Variants in PTPRT observed in about 807,000 individuals in gnomAD.
PTPRT encodes the protein protein tyrosine phosphatase receptor type T, also known as receptor-type tyrosine-protein phosphatase T.
A neutral mutation model predicts 176.8 loss-of-function variants in PTPRT; 56 were observed. That is an observed-to-expected ratio of 0.32 (90% CI 0.26 to 0.40). The LOEUF (loss-of-function observed/expected upper bound fraction) is 0.40, where lower values mean the gene tolerates loss of function less well. Among genes scored for constraint, PTPRT ranks in the 10% least tolerant of loss-of-function variants. The pLI, the probability that PTPRT is intolerant of heterozygous loss-of-function variation, is 1.00. For missense variants in PTPRT, 1,540 were observed against 1,908.2 expected (o/e 0.81, Z 3.60); for synonymous variants, 783 against 739.0 (o/e 1.06, Z -0.96).
intron 7 of PTPRT, among the ~76,000 whole-genome samples, chr20:42,574,906 C>A (rs1450677629): frequency 6.6e-6 from 1 of 152,246 alleles, no homozygotes; most frequent in South Asian, 2.1e-4. Context: ...CTCCTGCCAT[C>A]CTGCCATCAT....
At chr20:42,098,638 G>A in intron 26 of PTPRT, 86 bp from the exon 27 acceptor site, 1 of 1,540,156 alleles carries the variant, frequency 6.5e-7, no homozygotes, top group South Asian at 1.2e-5. Flanking sequence ...GAGGCCAGAG[G>A]CTCCAGAGCC....
At chr20:42,151,275 T>C (rs1418906924) in intron 17 of PTPRT, among the ~76,000 whole-genome samples, 1 of 152,074 alleles carries the variant, frequency 6.6e-6, no homozygotes, top group Non-Finnish European at 1.5e-5. Flanking sequence ...ATACATTAGG[T>C]ATTTGCTCTA....
chr20:42,694,625 G>A (rs1270617480), intron 6 of PTPRT, among the ~76,000 whole-genome samples: 1 of 152,132 alleles, frequency 6.6e-6, no homozygotes, highest in East Asian at 1.9e-4. Context: ...TTCCACAGCG[G>A]CTACATCATT....
intron 1 of PTPRT, among the ~76,000 whole-genome samples, chr20:43,077,328 C>A (rs762287164): frequency 2.0e-5 from 3 of 152,166 alleles, no homozygotes; most frequent in Non-Finnish European, 4.4e-5. Context: ...GGCTGCACAG[C>A]TCATGAAGTG....
intron 7 of PTPRT, among the ~76,000 whole-genome samples, chr20:42,557,623 C>A (rs2145636885): frequency 6.6e-6 from 1 of 152,194 alleles, no homozygotes; most frequent in African/African-American, 2.4e-5. Context: ...CAAATGGATC[C>A]AGACAATCAA....
chr20:42,769,571 A>G (rs1159700160), intron 5 of PTPRT, among the ~76,000 whole-genome samples: 2 of 152,196 alleles, frequency 1.3e-5, no homozygotes, highest in African/African-American at 4.8e-5. Context: ...GTTGTTCTTT[A>G]AAGTTAAACA....
intron 2 of PTPRT, among the ~76,000 whole-genome samples, chr20:42,823,203 A>G (rs989014517): frequency 6.6e-6 from 1 of 152,356 alleles, no homozygotes; most frequent in Middle Eastern, 3.4e-3. Flanking sequence ...AATACTATGC[A>G]GCCATAAAAA....
chr20:42,604,959 C>A (rs767293459), intron 7 of PTPRT, among the ~76,000 whole-genome samples: 1 of 152,158 alleles, frequency 6.6e-6, no homozygotes, highest in African/African-American at 2.4e-5. Context: ...GTGTTGCTGA[C>A]AGCAGGCAAG....
intron 7 of PTPRT, among the ~76,000 whole-genome samples, chr20:42,522,139 C>G (rs2072188152): frequency 6.7e-6 from 1 of 149,726 alleles, no homozygotes; most frequent in Admixed American, 6.7e-5. Flanking sequence ...TGTCTTGTAA[C>G]TTTTTCCTTT....
chr20:43,019,194 T>C (rs531625248), intron 1 of PTPRT, among the ~76,000 whole-genome samples: 4 of 152,340 alleles, frequency 2.6e-5, no homozygotes, highest in African/African-American at 7.2e-5. Context: ...TGATTTGGGA[T>C]GTCAACTTGA....
At chr20:43,125,162 A>ATTTT (rs11477178) in intron 1 of PTPRT, among the ~76,000 whole-genome samples, 1 of 145,318 alleles carries the variant, frequency 6.9e-6, no homozygotes, top group South Asian at 2.2e-4. Flanking sequence ...CACCTAGCTG[A>ATTTT]TTTTTTTTTT....
intron 1 of PTPRT, among the ~76,000 whole-genome samples, chr20:42,896,723 C>A (rs927506815): frequency 6.6e-6 from 1 of 152,012 alleles, no homozygotes; most frequent in African/African-American, 2.4e-5. Flanking sequence ...AGTTCCAGGG[C>A]CTGTATGACT....
intron 1 of PTPRT, among the ~76,000 whole-genome samples, chr20:43,147,955 G>A (rs985109733): frequency 6.6e-6 from 1 of 152,160 alleles, no homozygotes; most frequent in Non-Finnish European, 1.5e-5. Context: ...TATCAGGTTA[G>A]AAAACATGAA....
intron 18 of PTPRT, among the ~76,000 whole-genome samples, chr20:42,137,882 C>T (rs561221941): frequency 5.0e-4 from 76 of 152,310 alleles, no homozygotes; most frequent in African/African-American, 1.6e-3. Context: ...GACCCCAATA[C>T]ACCTGAGCCC....
intron 8 of PTPRT, among the ~76,000 whole-genome samples, chr20:42,453,298 A>G (rs1568893257): frequency 1.3e-5 from 2 of 152,136 alleles, no homozygotes; most frequent in African/African-American, 4.8e-5. Flanking sequence ...AGTAAACTGT[A>G]TAAATCTTCA....
At chr20:42,441,773 G>T (rs747256470) in intron 9 of PTPRT, among the ~76,000 whole-genome samples, 1 of 152,178 alleles carries the variant, frequency 6.6e-6, no homozygotes, top group Non-Finnish European at 1.5e-5. Flanking sequence ...AACGGATGAC[G>T]CTCTCATTTC....
intron 2 of PTPRT, among the ~76,000 whole-genome samples, chr20:42,825,725 A>G (rs2077981303): frequency 6.6e-6 from 1 of 152,174 alleles, no homozygotes; most frequent in African/African-American, 2.4e-5. Flanking sequence ...ATATATACCA[A>G]GAGAATGGGG....
Position 42,403,936 on chromosome 20 carries a change from C to G in PTPRT, c.1560+44284G>C, listed in dbSNP as rs140064663. 5.6e-4 allele frequency among the ~76,000 whole-genome samples: 85 copies of G among 152,200 alleles called. No homozygotes were observed. The East Asian group carries it at 0.016, about 28-fold the overall frequency. On this transcript the variant is annotated intron_variant, in intron 9 of 30. Transcript: ENST00000373187. ...TATGGGAGTCTACCTCCTCACCCCT[C>G]TAGGCCCTCTGGGATTTTGACCCCA...
intron 11 of PTPRT, among the ~76,000 whole-genome samples, chr20:42,319,833 A>C (rs1257954480): frequency 6.6e-6 from 1 of 152,232 alleles, no homozygotes; most frequent in Admixed American, 6.5e-5. Context: ...AATCATATCC[A>C]AATGTGAATG....
Sources: gnomAD v4.1 joint callset for allele counts (sites outside exome capture counted in the v4.1 genomes callset) on GRCh38, gnomAD v4.1.1 for gene constraint, MANE v1.5 for transcripts, NCBI Gene and HGNC (gene_info 2026-07-23, HGNC 2026-07-21) for gene names.